The following S100Z variants were observed in gnomAD, a reference collection of about 807,000 sequenced individuals.
S100Z encodes the protein S100 calcium binding protein Z, also known as protein S100-Z.
In S100Z, 11 loss-of-function variants were observed where a neutral mutation model predicts 8.5. The ratio of observed to expected loss-of-function variants is 1.30; its 90% CI spans 0.82 to 2.15. S100Z has a LOEUF of 2.15. Ranked by LOEUF, S100Z falls within the 30% of genes most tolerant of loss-of-function variation. The pLI is 0.00. For synonymous variants in S100Z, 34 were observed against 43.8 expected (o/e 0.78, Z 0.89); for missense variants, 126 against 117.9 (o/e 1.07, Z -0.32).
At chr5:76,868,177 A>C (rs947295196) in intron 1 of S100Z, among the ~76,000 whole-genome samples, 3 of 152,170 alleles carry the variant, frequency 2.0e-5, no homozygotes, top group African/African-American at 7.2e-5. Flanking sequence ...GCAGGGGCTG[A>C]GGCTGGGTTA....
the S100Z span, among the ~76,000 whole-genome samples, chr5:76,941,567 G>A: frequency 1.3e-5 from 2 of 152,206 alleles, no homozygotes; most frequent in Non-Finnish European, 2.9e-5. Flanking sequence ...ACCCAGTCTT[G>A]GGTATGTACT....
At chr5:76,909,728 A>G (rs908076809) in intron 4 of S100Z, among the ~76,000 whole-genome samples, 4 of 152,200 alleles carry the variant, frequency 2.6e-5, no homozygotes, top group South Asian at 2.1e-4. Context: ...CAACCTGGGT[A>G]CATGTCCCCT....
chr5:76,927,650 CAA>C, the S100Z span, among the ~76,000 whole-genome samples: 1 of 152,170 alleles, frequency 6.6e-6, no homozygotes, highest in Non-Finnish European at 1.5e-5. Context: ...AAAGAAAACT[CAA>C]AGGGCATTTT....
chr5:76,874,426 C>G (rs1265132977), intron 2 of S100Z, among the ~76,000 whole-genome samples: 1 of 152,114 alleles, frequency 6.6e-6, no homozygotes, highest in Non-Finnish European at 1.5e-5. Context: ...TTGTCTTTGC[C>G]TTCTTATCTA....
At chr5:76,918,271 A>G (rs544092460) in intron 4 of S100Z, among the ~76,000 whole-genome samples, 1 of 152,156 alleles carries the variant, frequency 6.6e-6, no homozygotes, top group African/African-American at 2.4e-5. Context: ...CAGTGGTACA[A>G]TCTCAGCTCG....
intron 3 of S100Z, among the ~76,000 whole-genome samples, chr5:76,876,008 C>T (rs567959560): frequency 8.1e-4 from 124 of 152,196 alleles, no homozygotes; most frequent in Non-Finnish European, 1.6e-3. Context: ...TGTGTTTGGC[C>T]AGTGACCAGT....
At chr5:76,933,275 G>A in the S100Z span, among the ~76,000 whole-genome samples, 2 of 152,190 alleles carry the variant, frequency 1.3e-5, no homozygotes, top group African/African-American at 2.4e-5. Context: ...CCTCCCTCAA[G>A]GGATAGCATG....
At chr5:76,945,808 G>C in the S100Z span, among the ~76,000 whole-genome samples, 1 of 152,138 alleles carries the variant, frequency 6.6e-6, no homozygotes, top group Non-Finnish European at 1.5e-5. Context: ...TGCCGGTGCT[G>C]GTCCTCTGTA....
intron 4 of S100Z, among the ~76,000 whole-genome samples, chr5:76,911,509 T>A (rs58005286): frequency 6.6e-6 from 1 of 152,074 alleles, no homozygotes; most frequent in South Asian, 2.1e-4. Flanking sequence ...ACCACACATC[T>A]CAACTTATGT....
At position 76,875,427 on chromosome 5, in the gene S100Z, A is replaced by C. The variant is rs1320308; in HGVS notation, c.68A>C (p.Glu23Ala). Residue 23 changes from glutamate (E) to alanine (A), a missense_variant, in exon 3 of 5, where the codon GAA (glutamate) becomes GCA (alanine). Coordinates refer to ENST00000317593, the MANE Select transcript of S100Z (RefSeq NM_130772.4). ...IRIFHRYSGK[E>A]RKRFKLSKGE... ...ATCTTCCACCGCTATTCTGGCAAGG[A>C]AAGGAAGAGATTCAAGCTCAGCAAG... The C allele has an allele frequency of 0.65, 1,041,081 of 1,611,930 alleles. 341,778 individuals are homozygous for C. Among genetic ancestry groups the C allele is most frequent in the Non-Finnish European group, 0.68 (797,641 of 1,178,976 alleles).
chr5:76,850,934 G>A (rs772840187), intron 1 of S100Z, among the ~76,000 whole-genome samples: 2 of 152,104 alleles, frequency 1.3e-5, no homozygotes, highest in South Asian at 4.1e-4. Flanking sequence ...AAAGTGCTGC[G>A]ATTACAGGCA....
At chr5:76,916,316 G>A (rs1032991619) in intron 4 of S100Z, among the ~76,000 whole-genome samples, 3 of 151,990 alleles carry the variant, frequency 2.0e-5, no homozygotes, top group East Asian at 1.9e-4. Context: ...ATTGAAAAGA[G>A]AAACAGACAA....
At chr5:76,891,898 C>A (rs1273344709) in intron 4 of S100Z, among the ~76,000 whole-genome samples, 3 of 152,150 alleles carry the variant, frequency 2.0e-5, no homozygotes, top group African/African-American at 7.2e-5. Flanking sequence ...TATTTAATTT[C>A]TTTAAGCCTC....
chr5:76,862,327 G>C (rs1751081835), intron 1 of S100Z, among the ~76,000 whole-genome samples: 1 of 152,182 alleles, frequency 6.6e-6, no homozygotes, highest in Non-Finnish European at 1.5e-5. Flanking sequence ...AGAAGGTATA[G>C]CCAGTTCTAG....
chr5:76,924,576 C>T (rs1483857268), downstream of S100Z, among the ~76,000 whole-genome samples: 1 of 152,102 alleles, frequency 6.6e-6, no homozygotes, highest in East Asian at 1.9e-4. Context: ...TTCCCTGCTT[C>T]TGTATAACAA....
intron 4 of S100Z, among the ~76,000 whole-genome samples, chr5:76,898,299 C>T (rs764075459): frequency 6.6e-6 from 1 of 152,014 alleles, no homozygotes; most frequent in Non-Finnish European, 1.5e-5. Context: ...TACAAGCATG[C>T]ACATCATGCC....
chr5:76,903,591 CATT>C (rs1744309751), intron 4 of S100Z, among the ~76,000 whole-genome samples: 1 of 151,998 alleles, frequency 6.6e-6, no homozygotes, highest in South Asian at 2.1e-4. Context: ...AGTATGGTAT[CATT>C]ATATTTAAAA....
At chr5:76,940,439 A>G in the S100Z span, among the ~76,000 whole-genome samples, 112,066 of 150,950 alleles carry the variant, frequency 0.74, 42,238 homozygotes, top group East Asian at 0.93. Context: ...TTGAGATGGA[A>G]CCTTGCTTTG....
At chr5:76,863,774 G>A (rs550053732) in intron 1 of S100Z, among the ~76,000 whole-genome samples, 16 of 152,200 alleles carry the variant, frequency 1.1e-4, no homozygotes, top group East Asian at 7.8e-4. Flanking sequence ...TCCTGACCTT[G>A]TGATCCACCC....
Sources: gnomAD v4.1 joint callset for allele counts (sites outside exome capture counted in the v4.1 genomes callset) on GRCh38, gnomAD v4.1.1 for gene constraint, MANE v1.5 for transcripts, NCBI Gene and HGNC (gene_info 2026-07-23, HGNC 2026-07-21) for gene names.